The following WDR70 variants were observed in gnomAD, a reference collection of about 807,000 sequenced individuals.
WDR70 encodes the protein WD repeat domain 70, also known as WD repeat-containing protein 70.
Under a neutral mutation model 88.6 loss-of-function variants are expected in WDR70, and 53 were observed. That is an observed-to-expected ratio of 0.60 (90% confidence interval 0.48 to 0.75). The LOEUF is 0.75. Ranked by LOEUF, WDR70 falls within the 30% of genes least tolerant of loss-of-function variation. WDR70 has a pLI of 0.00. For missense variants in WDR70, 610 were observed against 823.2 expected (o/e 0.74, Z 3.17); for synonymous variants, 280 against 270.0 (o/e 1.04, Z -0.36).
At chr5:37,698,769 C>T (rs934955435) in intron 11 of WDR70, among the ~76,000 whole-genome samples, 1 of 152,136 alleles carries the variant, frequency 6.6e-6, no homozygotes, top group Non-Finnish European at 1.5e-5. Context: ...TTTAACTAGT[C>T]CCTGTCCTTT....
chr5:37,482,024 T>G (rs1739686077), intron 8 of WDR70, among the ~76,000 whole-genome samples: 1 of 152,172 alleles, frequency 6.6e-6, no homozygotes, highest in African/African-American at 2.4e-5. Context: ...TTTACTCCAT[T>G]TCCCAACAAA....
chr5:37,491,522 T>C (rs1015686506), intron 8 of WDR70, among the ~76,000 whole-genome samples: 4 of 152,218 alleles, frequency 2.6e-5, no homozygotes, highest in Admixed American at 6.5e-5. Flanking sequence ...AGAAAGCAGG[T>C]TCAGGATACC....
At chr5:37,586,030 T>C (rs1743354539) in intron 9 of WDR70, among the ~76,000 whole-genome samples, 1 of 152,174 alleles carries the variant, frequency 6.6e-6, no homozygotes. Flanking sequence ...GGCCTTTTGC[T>C]CTTGATTTTC....
intron 6 of WDR70, among the ~76,000 whole-genome samples, chr5:37,441,041 T>C (rs1031859789): frequency 2.6e-5 from 4 of 152,228 alleles, no homozygotes; most frequent in African/African-American, 7.2e-5. Context: ...AGATACAGAA[T>C]AGAGGAACCA....
intron 9 of WDR70, among the ~76,000 whole-genome samples, chr5:37,528,129 G>T (rs891965288): frequency 6.6e-6 from 1 of 152,166 alleles, no homozygotes; most frequent in Non-Finnish European, 1.5e-5. Context: ...CCATTACTGG[G>T]TATATACCCA....
At chr5:37,627,159 G>A (rs1260287067) in intron 10 of WDR70, among the ~76,000 whole-genome samples, 1 of 152,040 alleles carries the variant, frequency 6.6e-6, no homozygotes, top group African/African-American at 2.4e-5. Flanking sequence ...CTTGATCTTG[G>A]CTTATTGCAG....
chr5:37,681,078 T>A (rs1395824750), intron 10 of WDR70, among the ~76,000 whole-genome samples: 5 of 152,206 alleles, frequency 3.3e-5, no homozygotes, highest in Non-Finnish European at 7.3e-5. Context: ...GAGCATGGAA[T>A]GTTTTTCCAT....
chr5:37,405,567 G>C (rs7715310), intron 5 of WDR70, among the ~76,000 whole-genome samples: 147,785 of 152,142 alleles, frequency 0.97, 71,938 homozygotes, highest in East Asian at 1. Context: ...TAGCTGTGCC[G>C]ATAATCAGAA....
chr5:37,634,317 A>T (rs1421845024), intron 10 of WDR70, among the ~76,000 whole-genome samples: 1 of 151,860 alleles, frequency 6.6e-6, no homozygotes, highest in Non-Finnish European at 1.5e-5. Flanking sequence ...AAAAAGAAAA[A>T]AAAGAAAAAA....
chr5:37,739,697 A>G (rs1479365239), intron 17 of WDR70, among the ~76,000 whole-genome samples: 3 of 152,114 alleles, frequency 2.0e-5, no homozygotes, highest in Non-Finnish European at 2.9e-5. Flanking sequence ...CAGAACATAC[A>G]GGTTTGTTAC....
intron 6 of WDR70, among the ~76,000 whole-genome samples, chr5:37,442,960 A>C (rs1750700113): frequency 6.6e-6 from 1 of 152,236 alleles, no homozygotes. Flanking sequence ...ATGGAATTGC[A>C]GTGATAGCTA....
intron 7 of WDR70, among the ~76,000 whole-genome samples, chr5:37,473,810 A>G (rs1739399123): frequency 6.6e-6 from 1 of 152,012 alleles, no homozygotes; most frequent in South Asian, 2.1e-4. Flanking sequence ...CCTTTTATAT[A>G]TATATTGCTG....
intron 10 of WDR70, among the ~76,000 whole-genome samples, chr5:37,651,936 T>C (rs757730480): frequency 6.6e-6 from 1 of 152,244 alleles, no homozygotes; most frequent in Non-Finnish European, 1.5e-5. Flanking sequence ...ATGTTTCTTT[T>C]GCTGTGCAGA....
chr5:37,508,418 A>C (rs1016697687), intron 8 of WDR70, among the ~76,000 whole-genome samples: 1 of 152,216 alleles, frequency 6.6e-6, no homozygotes, highest in Non-Finnish European at 1.5e-5. Context: ...TGGTTAAGCC[A>C]CCCAGTCTAT....
At chr5:37,530,295 G>T (rs962214974) in intron 9 of WDR70, among the ~76,000 whole-genome samples, 1 of 151,942 alleles carries the variant, frequency 6.6e-6, no homozygotes, top group African/African-American at 2.4e-5. Flanking sequence ...TCCCTATTTT[G>T]GGTATTAGAG....
chr5:37,440,242 T>C (rs1456278067), intron 6 of WDR70, among the ~76,000 whole-genome samples: 1 of 152,210 alleles, frequency 6.6e-6, no homozygotes, highest in Non-Finnish European at 1.5e-5. Flanking sequence ...CTGAATGTGA[T>C]GATAAAGTCT....
intron 10 of WDR70, among the ~76,000 whole-genome samples, chr5:37,616,233 C>T (rs929809239): frequency 1.3e-5 from 2 of 152,068 alleles, no homozygotes; most frequent in African/African-American, 4.8e-5. Flanking sequence ...TCTCCCACCT[C>T]AGCCTTCCGA....
At chr5:37,479,711 G>A in intron 7 of WDR70, 123 bp from the exon 8 acceptor site, 1 of 1,189,894 alleles carries the variant, frequency 8.4e-7, no homozygotes, top group Non-Finnish European at 1.2e-6. Flanking sequence ...TGATGTTCCT[G>A]ATTTTGTGGA....
intron 17 of WDR70, among the ~76,000 whole-genome samples, chr5:37,747,051 A>G (rs1320250952): frequency 6.6e-6 from 1 of 152,206 alleles, no homozygotes; most frequent in Non-Finnish European, 1.5e-5. Context: ...ACCCAGCAGC[A>G]CATCAAAAAA....
Sources: gnomAD v4.1 joint callset for allele counts (sites outside exome capture counted in the v4.1 genomes callset) on GRCh38, gnomAD v4.1.1 for gene constraint, MANE v1.5 for transcripts, NCBI Gene and HGNC (gene_info 2026-07-23, HGNC 2026-07-21) for gene names.